Variants in MPHOSPH9 observed in about 807,000 individuals in gnomAD.
MPHOSPH9 encodes M-phase phosphoprotein 9.
Under a neutral mutation model 145.5 loss-of-function variants are expected in MPHOSPH9, and 88 were observed. That is an observed-to-expected ratio of 0.60 (90% CI 0.51 to 0.72). The LOEUF is 0.72. Ranked by LOEUF, MPHOSPH9 falls within the 30% of genes least tolerant of loss-of-function variation. The pLI is 0.00. For synonymous variants in MPHOSPH9, 435 were observed against 486.2 expected, an observed-to-expected ratio of 0.89 and a Z score of 1.39; for missense variants, 1,238 against 1,386.6, an observed-to-expected ratio of 0.89 and a Z score of 1.70.
At chr12:123,179,734 A>AAAG (rs1376219364) in intron 15 of MPHOSPH9, among the ~76,000 whole-genome samples, 192 bp downstream of exon 15, 15 of 151,186 alleles carry the variant, frequency 9.9e-5, no homozygotes, top group South Asian at 4.2e-4. Flanking sequence ...AAAAAAAAAA[A>AAAG]AGAGAGAGAG....
Position 123,243,524 on chromosome 12 carries a change from C to T in MPHOSPH9, c.-159+329G>A, listed in dbSNP as rs564875036. On this transcript the variant is annotated intron_variant, in intron 1 of 2. Transcript: ENST00000545406. Reference sequence around the variant, plus strand: ...CAGCCTGGGCGACAGAGCGAGACTCCGTCTCAAAAAAAAAAAAAAAAAATA... The same window carrying T: ...CAGCCTGGGCGACAGAGCGAGACTCTGTCTCAAAAAAAAAAAAAAAAAATA... Among the ~76,000 whole-genome samples, 18 of 94,922 alleles carry T rather than the reference C, an allele frequency of 1.9e-4. No individual in the cohort carries two copies. The South Asian group carries it at 7.5e-3, about 40-fold the overall frequency. The allele number at this position is 94,922 out of a possible 152,430, so 62.3% of individuals were successfully genotyped here.
At chr12:123,184,858 CA>C (rs2045367698) in intron 13 of MPHOSPH9, among the ~76,000 whole-genome samples, 1 of 152,086 alleles carries the variant, frequency 6.6e-6, no homozygotes, top group African/African-American at 2.4e-5. Flanking sequence ...GGCTGGTGTG[CA>C]GTGGTGTGAT....
chr12:123,178,812 C>T (rs1312261050), intron 15 of MPHOSPH9, among the ~76,000 whole-genome samples: 2 of 152,236 alleles, frequency 1.3e-5, no homozygotes, highest in African/African-American at 2.4e-5. Flanking sequence ...GCGTGAGCCA[C>T]TGCACCCAGC....
intron 13 of MPHOSPH9, among the ~76,000 whole-genome samples, chr12:123,183,547 CAAAAAA>C (rs746928699): frequency 8.3e-5 from 5 of 59,990 alleles, no homozygotes; most frequent in East Asian, 6.2e-4. Context: ...GACTCTGTCT[CAAAAAA>C]AAAAAAAAAA....
In MPHOSPH9 at chr12:123,214,744, C is replaced by T. The variant is rs865856347; in HGVS notation, c.1087G>A (p.Gly363Arg). ...PNAWMSDSGT[G>R]LTYWKLEEKD... Reference sequence around the variant, plus strand: ...AAAAATAAAAATGTAAGTATCATACCTGTTCCTGAATCAGACATCCAAGCA... The same window carrying T: ...AAAAATAAAAATGTAAGTATCATACTTGTTCCTGAATCAGACATCCAAGCA... The change falls in exon 7 of 24, where the codon GGA becomes AGA. Residue 363 changes from glycine (G) to arginine (R), a missense_variant and splice_region_variant. Gly to Arg is a moderately radical substitution (Grantham distance 125). Coordinates refer to ENST00000606320, the MANE Select transcript of MPHOSPH9 (RefSeq NM_022782.4). The T allele has an allele frequency of 6.2e-7, 1 of 1,605,330 alleles. No individual in the cohort carries two copies. Among genetic ancestry groups the T allele is most frequent in the Non-Finnish European group, 8.5e-7 (1 of 1,172,310 alleles).
chr12:123,239,552 G>A (rs1051030124), intron 1 of MPHOSPH9, among the ~76,000 whole-genome samples: 1 of 152,034 alleles, frequency 6.6e-6, no homozygotes, highest in Non-Finnish European at 1.5e-5. Context: ...ACAGCTACGT[G>A]CAACCATGCC....
intron 15 of MPHOSPH9, among the ~76,000 whole-genome samples, chr12:123,179,451 T>C (rs1295613502): frequency 1.3e-5 from 2 of 152,136 alleles, no homozygotes; most frequent in Non-Finnish European, 2.9e-5. Flanking sequence ...GGTACACTCC[T>C]GTAGTCCCAG....
intron 7 of MPHOSPH9, among the ~76,000 whole-genome samples, chr12:123,214,131 A>T (rs1447284478): frequency 6.6e-6 from 1 of 152,192 alleles, no homozygotes; most frequent in Non-Finnish European, 1.5e-5. Context: ...GAGGGTTTGA[A>T]TTTAATTCAT....
intron 11 of MPHOSPH9, among the ~76,000 whole-genome samples, chr12:123,200,556 T>A (rs2046176977): frequency 6.6e-6 from 1 of 152,136 alleles, no homozygotes; most frequent in African/African-American, 2.4e-5. Context: ...TTATTCTAGG[T>A]ACCTTCTTTA....
chr12:123,197,899 C>A (rs562424372), intron 12 of MPHOSPH9, among the ~76,000 whole-genome samples: 1 of 151,126 alleles, frequency 6.6e-6, no homozygotes, highest in African/African-American at 2.4e-5. Flanking sequence ...CTGGCTAACA[C>A]GGTGAAACCC....
chr12:123,201,656 G>A (rs555584273), intron 11 of MPHOSPH9, among the ~76,000 whole-genome samples: 29 of 152,246 alleles, frequency 1.9e-4, no homozygotes, highest in African/African-American at 7.0e-4. Context: ...CTGGGTTACA[G>A]ACGTGAGCCA....
Position 123,161,321 on chromosome 12 carries a change from C to T in MPHOSPH9, c.3196G>A (p.Val1066Met), listed in dbSNP as rs748163843. The T allele has an allele frequency of 1.6e-5, 26 of 1,614,070 alleles. No homozygotes were observed. The highest frequency in any genetic ancestry group is 1.9e-5 in the Non-Finnish European group (22 of 1,180,012). Residue 1066 changes from valine to methionine, a missense_variant, in exon 22 of 24, where the codon GTG becomes ATG. This residue lies in a region of MPHOSPH9 where 393 missense variants were observed against 462.5 expected (regional missense o/e 0.85). Transcript: ENST00000606320. ...GATACTTTCTTCACTCCATTTGGCA[C>T]CGGTTCAGGGCAAGAGCTATGATTA... ...HVNHSSCPEP[V>M]PNGVKKVSVR...
At chr12:123,213,718 T>A (rs1324182054) in intron 7 of MPHOSPH9, among the ~76,000 whole-genome samples, 3 of 152,304 alleles carry the variant, frequency 2.0e-5, no homozygotes, top group South Asian at 2.1e-4. Context: ...AACAATTCAG[T>A]ATAAAGTGAG....
Position 123,226,307 on chromosome 12 carries a change from C to G in MPHOSPH9, c.258+1156G>C, listed in dbSNP as rs922137801. 1.1e-4 allele frequency: 129 copies of G among 1,144,714 alleles called. No homozygotes were observed. The Admixed American group carries it at 1.6e-3, about 14-fold the overall frequency. 70.9% of individuals were successfully genotyped at this position (1,144,714 alleles called of 1,614,324 possible). A position where few individuals can be genotyped will look rare whatever the true frequency, so the allele number is the denominator to read the frequency against. ...AATTACACTTAGCAGTTGCTGCTAT[C>G]GAATTCTTAAACCAGGTAATCTTTC... On this transcript the variant is annotated intron_variant, in intron 3 of 23. Transcript: ENST00000606320.
downstream of MPHOSPH9, chr12:123,152,904 T>C (rs2043802443): frequency 6.4e-6 from 1 of 157,020 alleles, no homozygotes; most frequent in Admixed American, 6.4e-5. Context: ...ATAGCACAAG[T>C]GGCACATTGA....
chr12:123,179,532 G>C (rs1311290503), intron 15 of MPHOSPH9, among the ~76,000 whole-genome samples: 2 of 151,982 alleles, frequency 1.3e-5, no homozygotes, highest in Non-Finnish European at 2.9e-5. Flanking sequence ...CCAAGATTGT[G>C]CCACTGCACT....
intron 2 of MPHOSPH9, 107 bp downstream of exon 2, chr12:123,230,151 AAAT>A (rs1209076120): frequency 2.5e-5 from 17 of 677,408 alleles, no homozygotes; most frequent in Non-Finnish European, 3.5e-5. Context: ...ATAGGTTAAA[AAAT>A]AATAATAATT....
chr12:123,160,966 C>A, intron 22 of MPHOSPH9, 117 bp from the exon 23 acceptor site: 1 of 1,340,512 alleles, frequency 7.5e-7, no homozygotes, highest in Middle Eastern at 1.9e-4. Context: ...AACTTAATTT[C>A]CCTCTGTCAA....
chr12:123,206,209 G>A (rs2046423049), intron 8 of MPHOSPH9, among the ~76,000 whole-genome samples: 1 of 151,992 alleles, frequency 6.6e-6, no homozygotes. Context: ...AGCACTTTGG[G>A]AGGCTGAGGC....
Sources: gnomAD v4.1 joint callset for allele counts (sites outside exome capture counted in the v4.1 genomes callset) on GRCh38, gnomAD v4.1.1 for gene constraint, gnomAD v4.1.1 regional missense constraint, MANE v1.5 for transcripts, NCBI Gene and HGNC (gene_info 2026-07-23, HGNC 2026-07-21) for gene names.